Variants in HTR2A observed in about 807,000 individuals in gnomAD.
HTR2A encodes 5-HT2 receptor.
HTR2A carries 14 observed loss-of-function variants against 31.0 expected under a neutral mutation model. The observed-to-expected ratio is 0.45, with a 90% CI of 0.30 to 0.71. HTR2A has a LOEUF of 0.71. Among genes scored for constraint, HTR2A ranks in the 30% least tolerant of loss-of-function variants. The pLI is 0.09. For synonymous variants in HTR2A, 209 were observed against 225.2 expected (o/e 0.93, Z 0.64); for missense variants, 442 against 573.3 (o/e 0.77, Z 2.34).
At chr13:46,875,974 G>C (rs1208543648) in intron 3 of HTR2A, among the ~76,000 whole-genome samples, 4 of 152,128 alleles carry the variant, frequency 2.6e-5, no homozygotes, top group Middle Eastern at 3.2e-3. Context: ...TTCTTTCCAG[G>C]GGAGAAGACA....
Position 46,834,779 on chromosome 13 carries a change from C to A in HTR2A, c.*58G>T. On this transcript the variant is annotated 3_prime_UTR_variant, in exon 4 of 4. Transcript: ENST00000542664. The stretch of plus-strand genomic sequence containing the variant: ...TTTCCAATCTCATATTTTTTTTTTT[C>A]CAGATAGGTGAAAACTTGCTCAGTG... The A allele has an allele frequency of 1.5e-6, 2 of 1,308,350 alleles. No homozygotes were observed. The highest frequency in any genetic ancestry group is 2.1e-6 in the Non-Finnish European group (2 of 966,568). 81.0% of individuals were successfully genotyped at this position (1,308,350 alleles called of 1,614,324 possible). A position where few individuals can be genotyped will look rare whatever the true frequency, so the allele number is the denominator to read the frequency against.
Position 46,851,908 on chromosome 13 carries a change from A to G in HTR2A, c.614-16269T>C, listed in dbSNP as rs190338606. 4.7e-3 allele frequency among the ~76,000 whole-genome samples: 715 copies of G among 152,344 alleles called. 9 individuals are homozygous for G. The highest frequency in any genetic ancestry group is 0.016 in the African/African-American group (684 of 41,580). ...GTTGCAGATGGGAATTAAAGATGTCAATCAGCTGAGCTGGAAATAATTAGA... is the reference window on the plus strand; with the variant it reads ...GTTGCAGATGGGAATTAAAGATGTCGATCAGCTGAGCTGGAAATAATTAGA... On this transcript the variant is annotated intron_variant, in intron 3 of 3. Transcript: ENST00000542664.
At chr13:46,867,190 C>T (rs1017030720) in intron 3 of HTR2A, among the ~76,000 whole-genome samples, 10 of 152,072 alleles carry the variant, frequency 6.6e-5, no homozygotes, top group African/African-American at 2.4e-4. Flanking sequence ...TGTGAAGAAC[C>T]GTCCAAGTTT....
At chr13:46,852,848 A>G (rs1950698619) in intron 3 of HTR2A, among the ~76,000 whole-genome samples, 1 of 152,316 alleles carries the variant, frequency 6.6e-6, no homozygotes, top group South Asian at 2.1e-4. Flanking sequence ...GAAACTGTAG[A>G]TAATCTGGTG....
At chr13:46,891,944 C>G (rs1951056381) in intron 3 of HTR2A, among the ~76,000 whole-genome samples, 1 of 152,150 alleles carries the variant, frequency 6.6e-6, no homozygotes, top group Non-Finnish European at 1.5e-5. Flanking sequence ...TTCCTCTGGC[C>G]CACCTTTTCC....
At chr13:46,894,677 C>T (rs1347265610) in intron 2 of HTR2A, among the ~76,000 whole-genome samples, 4 of 152,192 alleles carry the variant, frequency 2.6e-5, no homozygotes, top group Admixed American at 2.6e-4. Flanking sequence ...TCACAATAGT[C>T]TCTCCTTTAA....
intron 3 of HTR2A, among the ~76,000 whole-genome samples, chr13:46,875,497 T>C (rs1950901130): frequency 6.6e-6 from 1 of 152,188 alleles, no homozygotes; most frequent in Non-Finnish European, 1.5e-5. Flanking sequence ...TAATTAAAAT[T>C]AATTTTAAAA....
At chr13:46,846,944 C>A (rs567813841) in intron 3 of HTR2A, among the ~76,000 whole-genome samples, 1 of 152,358 alleles carries the variant, frequency 6.6e-6, no homozygotes, top group East Asian at 1.9e-4. Context: ...CCCTGGAAAC[C>A]TGACACCTCA....
intron 3 of HTR2A, among the ~76,000 whole-genome samples, chr13:46,855,683 T>C (rs1418146747): frequency 6.6e-6 from 1 of 152,150 alleles, no homozygotes; most frequent in Non-Finnish European, 1.5e-5. Context: ...AGGACCTTGC[T>C]ACAAAAATTT....
chr13:46,865,757 A>C (rs1950814025), intron 3 of HTR2A, among the ~76,000 whole-genome samples: 1 of 152,258 alleles, frequency 6.6e-6, no homozygotes, highest in Non-Finnish European at 1.5e-5. Flanking sequence ...TGGACAACAC[A>C]GAACTATATG....
chr13:46,852,427 A>G (rs1327335654), intron 3 of HTR2A, among the ~76,000 whole-genome samples: 1 of 152,216 alleles, frequency 6.6e-6, no homozygotes, highest in Non-Finnish European at 1.5e-5. Flanking sequence ...GTCTGCTTAC[A>G]CAGAGTGCTA....
chr13:46,843,720 A>C (rs773864508), intron 3 of HTR2A, among the ~76,000 whole-genome samples: 3 of 152,108 alleles, frequency 2.0e-5, no homozygotes, highest in Non-Finnish European at 4.4e-5. Context: ...TTTGCCCTGG[A>C]CCAATTTTGA....
chr13:46,896,747 C>T lies in HTR2A; in HGVS notation c.-402G>A. ...CGCTGCATCTCTCACAGTAATTAAA[C>T]TGGTGTAGAGTCCCCTCTTCTTGAT... is the stretch of plus-strand genomic sequence containing the variant. On this transcript the variant is annotated 5_prime_UTR_variant, in exon 1 of 4. Transcript: ENST00000542664. 1 of 1,535,652 alleles carries T rather than the reference C, an allele frequency of 6.5e-7. No homozygotes were observed. The highest frequency in any genetic ancestry group is 8.7e-7 in the Non-Finnish European group (1 of 1,145,570).
chr13:46,846,011 C>G (rs1950640279), intron 3 of HTR2A, among the ~76,000 whole-genome samples: 2 of 152,188 alleles, frequency 1.3e-5, no homozygotes, highest in South Asian at 2.1e-4. Context: ...CAGTAACACT[C>G]TGTACAGATT....
intron 3 of HTR2A, among the ~76,000 whole-genome samples, chr13:46,872,785 T>C (rs930191127): frequency 2.0e-5 from 3 of 152,208 alleles, no homozygotes; most frequent in Admixed American, 2.0e-4. Flanking sequence ...CCTAAACTGA[T>C]AGTGTAGGCA....
intron 3 of HTR2A, among the ~76,000 whole-genome samples, chr13:46,892,186 A>G (rs1430163860): frequency 6.6e-6 from 1 of 152,272 alleles, no homozygotes; most frequent in African/African-American, 2.4e-5. Flanking sequence ...GCAAAGCAAT[A>G]CAAATTCATG....
chr13:46,856,846 G>A (rs1171740073), intron 3 of HTR2A, among the ~76,000 whole-genome samples: 1 of 152,158 alleles, frequency 6.6e-6, no homozygotes. Context: ...GATAGCAGGG[G>A]CACGATAACA....
At chr13:46,835,765 G>A (rs1876433678) in intron 3 of HTR2A, 126 bp from the exon 4 acceptor site, 1 of 721,452 alleles carries the variant, frequency 1.4e-6, no homozygotes, top group Non-Finnish European at 2.2e-6. Context: ...AACATACTTT[G>A]AGAATTTAAA....
rs1876297854 is a variant in HTR2A, at chr13:46,832,917, T to A, written c.*1920A>T. 1 of 152,222 alleles carries A rather than the reference T, an allele frequency of 6.6e-6. No individual in the cohort carries two copies. Among genetic ancestry groups the A allele is most frequent in the South Asian group, 2.1e-4 (1 of 4,826 alleles). 9.4% of individuals were successfully genotyped at this position (152,222 alleles called of 1,614,324 possible). A position where few individuals can be genotyped will look rare whatever the true frequency, so the allele number is the denominator to read the frequency against. On this transcript the variant is annotated 3_prime_UTR_variant, in exon 4 of 4. Coordinates refer to ENST00000542664, the MANE Select transcript of HTR2A (RefSeq NM_000621.5). ...ATTGATTCTAATAACAACATGCAAT[T>A]TAACCTTGAGTGTTATAATATCAAG...
Sources: gnomAD v4.1 joint callset for allele counts (sites outside exome capture counted in the v4.1 genomes callset) on GRCh38, gnomAD v4.1.1 for gene constraint, MANE v1.5 for transcripts, NCBI Gene and HGNC (gene_info 2026-07-23, HGNC 2026-07-21) for gene names.